The following PIK3CB variants were observed in gnomAD, a reference collection of about 807,000 sequenced individuals.
PIK3CB encodes phosphatidylinositol-4,5-bisphosphate 3-kinase catalytic subunit beta, also known as phosphatidylinositol 4,5-bisphosphate 3-kinase catalytic subunit beta isoform.
PIK3CB carries 39 observed loss-of-function variants against 136.8 expected under a neutral mutation model. The ratio of observed to expected loss-of-function variants is 0.29; its 90% CI spans 0.22 to 0.37. The LOEUF (loss-of-function observed/expected upper bound fraction) is 0.37, where lower values mean the gene tolerates loss of function less well. Among genes scored for constraint, PIK3CB ranks in the 10% least tolerant of loss-of-function variants. The probability of loss-of-function intolerance (pLI) is 1.00; values close to 1 mark genes in which losing one functional copy is unlikely to be tolerated. For synonymous variants in PIK3CB, 428 were observed against 436.6 expected (o/e 0.98, Z 0.25); for missense variants, 868 against 1,275.4 (o/e 0.68, Z 4.87).
intron 8 of PIK3CB, among the ~76,000 whole-genome samples, chr3:138,727,539 A>T (rs1467986587): frequency 6.6e-6 from 1 of 152,254 alleles, no homozygotes; most frequent in Non-Finnish European, 1.5e-5. Flanking sequence ...CTTCAGGCCT[A>T]CAATCACATG....
At chr3:138,797,944 C>A (rs925587842) in intron 1 of PIK3CB, among the ~76,000 whole-genome samples, 2 of 151,754 alleles carry the variant, frequency 1.3e-5, no homozygotes, top group Non-Finnish European at 2.9e-5. Flanking sequence ...CAGAAATAGA[C>A]CCTGTCTCAA....
intron 19 of PIK3CB, among the ~76,000 whole-genome samples, chr3:138,676,517 ATG>A (rs2043647068): frequency 1.3e-5 from 2 of 152,238 alleles, no homozygotes; most frequent in African/African-American, 2.4e-5. Context: ...TTGTACACAA[ATG>A]TTTATAGCAT....
chr3:138,734,886 A>T (rs2045069545), intron 6 of PIK3CB, 82 bp from the exon 7 acceptor site: 4 of 863,186 alleles, frequency 4.6e-6, no homozygotes, highest in Non-Finnish European at 6.9e-6. Flanking sequence ...GAACAACACT[A>T]TATCAAATGC....
intron 2 of PIK3CB, among the ~76,000 whole-genome samples, chr3:138,785,133 C>T (rs1038532535): frequency 8.2e-4 from 124 of 151,006 alleles, no homozygotes; most frequent in Non-Finnish European, 1.3e-3. Context: ...CCGCCCCGTC[C>T]GGGAGGGAGA....
At chr3:138,783,363 C>G (rs559708115) in intron 2 of PIK3CB, among the ~76,000 whole-genome samples, 1 of 151,650 alleles carries the variant, frequency 6.6e-6, no homozygotes, top group Non-Finnish European at 1.5e-5. Flanking sequence ...TTCACTGCAT[C>G]GTCAACCTCT....
intron 2 of PIK3CB, chr3:138,777,728 A>G (rs962330389): frequency 3.9e-5 from 6 of 154,842 alleles, no homozygotes; most frequent in African/African-American, 1.4e-4. Flanking sequence ...TACAGTCAAT[A>G]ATTCATTTTT....
intron 2 of PIK3CB, among the ~76,000 whole-genome samples, chr3:138,785,280 G>A (rs1306698094): frequency 1.3e-5 from 2 of 150,464 alleles, no homozygotes; most frequent in Non-Finnish European, 3.0e-5. Flanking sequence ...CAGGAGGTGG[G>A]GGGGCGCCTC....
intron 1 of PIK3CB, among the ~76,000 whole-genome samples, chr3:138,815,356 CAA>C (rs56785236): frequency 1.5e-4 from 4 of 26,490 alleles, no homozygotes; most frequent in Non-Finnish European, 3.0e-4. Context: ...CATCCTGTCT[CAA>C]AAAAAAAAAA....
chr3:138,721,166 A>G (rs1169054337), intron 8 of PIK3CB, among the ~76,000 whole-genome samples: 3 of 151,040 alleles, frequency 2.0e-5, no homozygotes, highest in Non-Finnish European at 4.4e-5. Context: ...CATATCCTTA[A>G]GTTTTTTTTT....
chr3:138,711,790 T>G (rs1437827954), intron 10 of PIK3CB, among the ~76,000 whole-genome samples: 4 of 151,910 alleles, frequency 2.6e-5, no homozygotes, highest in Non-Finnish European at 5.9e-5. Flanking sequence ...CATTATTTGT[T>G]GGAAGTATGT....
chr3:138,731,939 T>C (rs988883904), intron 8 of PIK3CB, among the ~76,000 whole-genome samples: 1 of 151,288 alleles, frequency 6.6e-6, no homozygotes, highest in African/African-American at 2.4e-5. Flanking sequence ...GCCGAGTTCA[T>C]GCCACTGCGC....
chr3:138,674,309 T>A (rs1020186891), intron 19 of PIK3CB, among the ~76,000 whole-genome samples: 3 of 152,110 alleles, frequency 2.0e-5, no homozygotes, highest in African/African-American at 7.2e-5. Context: ...GGCACAGTTC[T>A]GAACCACCAG....
chr3:138,820,783 C>T (rs1174086088), intron 1 of PIK3CB, among the ~76,000 whole-genome samples: 1 of 152,190 alleles, frequency 6.6e-6, no homozygotes, highest in African/African-American at 2.4e-5. Flanking sequence ...CATGAGCCAC[C>T]GTGCCTGGTC....
intron 3 of PIK3CB, among the ~76,000 whole-genome samples, chr3:138,756,529 T>C (rs2045571834): frequency 6.6e-6 from 1 of 152,198 alleles, no homozygotes; most frequent in Non-Finnish European, 1.5e-5. Flanking sequence ...TTACTAACAC[T>C]GTCCTGTCAG....
intron 8 of PIK3CB, among the ~76,000 whole-genome samples, chr3:138,716,961 A>T (rs1188368801): frequency 6.6e-6 from 1 of 151,226 alleles, no homozygotes; most frequent in Admixed American, 6.6e-5. Flanking sequence ...AATACAAATA[A>T]AAGTAGTTTA....
chr3:138,733,150 T>TA (rs2045024488), intron 8 of PIK3CB, among the ~76,000 whole-genome samples: 1 of 151,626 alleles, frequency 6.6e-6, no homozygotes, highest in South Asian at 2.1e-4. Context: ...AGTAGATCTC[T>TA]AATGATTCAA....
chr3:138,691,160 A>G lies in PIK3CB; in HGVS notation c.1893-17T>C. 1 of 1,608,778 alleles carries G rather than the reference A, an allele frequency of 6.2e-7. No individual in the cohort carries two copies. The highest frequency in any genetic ancestry group is 8.5e-7 in the Non-Finnish European group (1 of 1,177,704). ...TCTTCATCACTGAAAGAAACAAAAG[A>G]CACAGTGAGTAACCAAACAACCTGT... On this transcript the variant is annotated splice_polypyrimidine_tract_variant and intron_variant, in intron 14 of 23. Transcript: ENST00000674063.
Position 138,654,472 on chromosome 3 carries a change from T to C in PIK3CB, c.*917A>G, listed in dbSNP as rs983094954. 7.4e-5 allele frequency: 17 copies of C among 228,650 alleles called. No homozygotes were observed. The highest frequency in any genetic ancestry group is 6.9e-4 in the East Asian group (11 of 15,898). The allele number at this position is 228,650 out of a possible 1,614,324, so 14.2% of individuals were successfully genotyped here. A position where few individuals can be genotyped will look rare whatever the true frequency, so the allele number is the denominator to read the frequency against. On this transcript the variant is annotated 3_prime_UTR_variant, in exon 24 of 24. Coordinates refer to ENST00000674063, the MANE Select transcript of PIK3CB (RefSeq NM_006219.3). ...ACTGAATTTCAGATCTGGAGTTTAT[T>C]CCATAAATAGGTTTCTTTTCATTTG... is the stretch of plus-strand genomic sequence containing the variant.
At chr3:138,677,849 C>A (rs1317776478) in intron 19 of PIK3CB, among the ~76,000 whole-genome samples, 1 of 152,046 alleles carries the variant, frequency 6.6e-6, no homozygotes, top group Non-Finnish European at 1.5e-5. Context: ...GAGCTGAGAT[C>A]GTGCCATTGC....
Sources: allele counts gnomAD v4.1 joint callset (sites outside exome capture counted in the v4.1 genomes callset), GRCh38; gene constraint gnomAD v4.1.1; transcripts MANE v1.5; gene names NCBI Gene and HGNC (gene_info 2026-07-23, HGNC 2026-07-21).